Variants in IFT43 observed in about 807,000 individuals in gnomAD.
IFT43 encodes intraflagellar transport 43, also known as intraflagellar transport protein 43 homolog.
In IFT43, 33 loss-of-function variants were observed where a neutral mutation model predicts 32.3. The ratio of observed to expected loss-of-function variants is 1.02; its 90% CI spans 0.77 to 1.37. IFT43 has a LOEUF of 1.37. Among genes scored for constraint, IFT43 ranks in the 40% most tolerant of loss-of-function variants. The probability of loss-of-function intolerance (pLI) is 0.00; values close to 1 mark genes in which losing one functional copy is unlikely to be tolerated. For missense variants in IFT43, 274 were observed against 265.9 expected (o/e 1.03, Z -0.21); for synonymous variants, 93 against 98.2 (o/e 0.95, Z 0.31).
intron 3 of IFT43, among the ~76,000 whole-genome samples, chr14:76,027,265 T>TA (rs1403591739): frequency 6.6e-6 from 1 of 152,072 alleles, no homozygotes; most frequent in African/African-American, 2.4e-5. Context: ...ATACCATTAT[T>TA]AAAAATATTT....
chr14:76,060,436 C>T (rs1021039516), intron 5 of IFT43, among the ~76,000 whole-genome samples: 7 of 152,082 alleles, frequency 4.6e-5, no homozygotes, highest in Non-Finnish European at 1.0e-4. Flanking sequence ...CCAGGCTGGT[C>T]TCTAACACCT....
chr14:75,985,989 GC>G (rs1321701449), intron 1 of IFT43, 149 bp downstream of exon 1: 3 of 1,525,442 alleles, frequency 2.0e-6, no homozygotes, highest in East Asian at 2.5e-5. Context: ...TCACCGCCCC[GC>G]CCCCAGGCCA....
chr14:75,988,813 C>T (rs1307140933), intron 1 of IFT43, 72 bp from the exon 2 acceptor site: 41 of 1,609,174 alleles, frequency 2.5e-5, no homozygotes, highest in Middle Eastern at 1.8e-4. Context: ...CCACTGCGCC[C>T]GGCTGGATTG....
At chr14:75,990,354 C>A (rs1193853324) in intron 2 of IFT43, among the ~76,000 whole-genome samples, 1 of 152,202 alleles carries the variant, frequency 6.6e-6, no homozygotes, top group Admixed American at 6.5e-5. Flanking sequence ...TGGATTTGGT[C>A]CAAGGATTGT....
Position 76,018,968 on chromosome 14 carries a change from G to A in IFT43, c.148-3359G>A, listed in dbSNP as rs77943701. Among the ~76,000 whole-genome samples the A allele has an allele frequency of 1.5e-3, 223 of 152,126 alleles. 4 individuals are homozygous for A. The East Asian group carries it at 0.024, about 16-fold the overall frequency. On this transcript the variant is annotated intron_variant, in intron 2 of 8. Transcript: ENST00000314067. ...ATAGTGATGCTTTTTAATTTAGCCA[G>A]CCAGTTTAGTGAGGAGTTTAATCCA...
intron 5 of IFT43, chr14:76,076,624 G>T (rs540341189): frequency 1.2e-6 from 2 of 1,614,120 alleles, no homozygotes; most frequent in South Asian, 1.1e-5. Context: ...AACAACAGCT[G>T]GATCTGAACG....
At chr14:76,066,616 A>G (rs1180153046) in intron 5 of IFT43, among the ~76,000 whole-genome samples, 2 of 152,202 alleles carry the variant, frequency 1.3e-5, no homozygotes, top group Non-Finnish European at 2.9e-5. Flanking sequence ...CTCGGGAATG[A>G]TTTCCCTGAA....
chr14:76,041,535 G>A (rs747913371), intron 3 of IFT43, among the ~76,000 whole-genome samples: 3 of 152,202 alleles, frequency 2.0e-5, no homozygotes, highest in Non-Finnish European at 4.4e-5. Flanking sequence ...GGTAGAAACA[G>A]CCCCACTGAT....
At chr14:76,079,973 A>T (rs1405416069) in intron 5 of IFT43, among the ~76,000 whole-genome samples, 1 of 152,316 alleles carries the variant, frequency 6.6e-6, no homozygotes, top group Non-Finnish European at 1.5e-5. Context: ...AAGAAAAAAA[A>T]AATTCCCCAG....
rs1198792804 is a variant in IFT43, at chr14:76,046,172, C to T, written c.216-12470C>T. Among the ~76,000 whole-genome samples, 3 of 152,062 alleles carry T rather than the reference C, an allele frequency of 2.0e-5. No homozygotes were observed. In the East Asian group the frequency reaches 5.8e-4, roughly 29 times the overall value. On this transcript the variant is annotated intron_variant, in intron 3 of 8. Coordinates refer to ENST00000314067, the MANE Select transcript of IFT43 (RefSeq NM_001102564.3). ...AAGTGACTGAAATGAAGAAAGGGAA[C>T]CAAGAGGCAGAAAAAGTAAAGCAGA... is the stretch of plus-strand genomic sequence containing the variant.
At chr14:76,035,429 C>T (rs758193037) in intron 3 of IFT43, among the ~76,000 whole-genome samples, 3 of 152,106 alleles carry the variant, frequency 2.0e-5, no homozygotes, top group Non-Finnish European at 4.4e-5. Context: ...CCGAGGTTAT[C>T]CCCCTTCCCT....
At chr14:76,004,441 C>G (rs2035945422) in intron 2 of IFT43, among the ~76,000 whole-genome samples, 1 of 152,020 alleles carries the variant, frequency 6.6e-6, no homozygotes, top group African/African-American at 2.4e-5. Flanking sequence ...CCTCTGGCTG[C>G]TTTAAAGATT....
intron 5 of IFT43, among the ~76,000 whole-genome samples, chr14:76,078,861 T>A (rs1157430952): frequency 6.6e-6 from 1 of 152,186 alleles, no homozygotes. Flanking sequence ...GGGGCTAGTT[T>A]AATAAGATAG....
intron 2 of IFT43, among the ~76,000 whole-genome samples, chr14:76,002,107 C>A (rs1367308282): frequency 6.6e-6 from 1 of 152,128 alleles, no homozygotes; most frequent in African/African-American, 2.4e-5. Flanking sequence ...ATTAGCTGGG[C>A]GTGGTGGCGC....
At chr14:76,071,558 T>G (rs1405482281) in intron 5 of IFT43, among the ~76,000 whole-genome samples, 1 of 152,132 alleles carries the variant, frequency 6.6e-6, no homozygotes, top group Non-Finnish European at 1.5e-5. Flanking sequence ...ACTCCCAACA[T>G]GACATCACTG....
chr14:76,020,683 G>T lies in IFT43; in HGVS notation c.148-1644G>T, dbSNP rs555492828. Among the ~76,000 whole-genome samples, 247 of 152,292 alleles carry T rather than the reference G, an allele frequency of 1.6e-3. 2 individuals carry two copies. The highest frequency in any genetic ancestry group is 6.8e-3 in the Middle Eastern group (2 of 294). ...GGCTTAGGCTATAGTTGTTATTGGA[G>T]GCTGTGACAAGGCTTTATTGCAAAT... On this transcript the variant is annotated intron_variant, in intron 2 of 8. Transcript: ENST00000314067.
intron 5 of IFT43, among the ~76,000 whole-genome samples, chr14:76,063,625 C>T (rs562608894): frequency 6.6e-6 from 1 of 152,270 alleles, no homozygotes; most frequent in Admixed American, 6.5e-5. Context: ...ACAGTAGTAC[C>T]ATGTATTTTT....
chr14:76,047,101 A>T (rs2036821200), intron 3 of IFT43, among the ~76,000 whole-genome samples: 1 of 152,230 alleles, frequency 6.6e-6, no homozygotes, highest in Non-Finnish European at 1.5e-5. Flanking sequence ...TGGAGTCCTC[A>T]TGGCCTTGTC....
chr14:76,004,286 A>G (rs2035942091), intron 2 of IFT43, among the ~76,000 whole-genome samples: 1 of 152,194 alleles, frequency 6.6e-6, no homozygotes, highest in Non-Finnish European at 1.5e-5. Flanking sequence ...TTTTGATTTC[A>G]TCCTCATTTT....
Sources: allele counts gnomAD v4.1 joint callset (sites outside exome capture counted in the v4.1 genomes callset), GRCh38; gene constraint gnomAD v4.1.1; transcripts MANE v1.5; gene names NCBI Gene and HGNC (gene_info 2026-07-23, HGNC 2026-07-21).